The following VDR variants were observed in gnomAD, a reference collection of about 807,000 sequenced individuals.
VDR encodes vitamin D3 receptor.
In VDR, 19 loss-of-function variants were observed where a neutral mutation model predicts 39.7. The observed-to-expected ratio is 0.48, with a 90% CI of 0.33 to 0.70. The LOEUF (loss-of-function observed/expected upper bound fraction) is 0.70. Among genes scored for constraint, VDR ranks in the 30% least tolerant of loss-of-function variants. The probability of loss-of-function intolerance (pLI) is 0.02; values close to 1 mark genes in which losing one functional copy is unlikely to be tolerated. For missense variants in VDR, 442 were observed against 570.5 expected (o/e 0.77, Z 2.29); for synonymous variants, 242 against 215.8 (o/e 1.12, Z -1.07).
intron 1 of VDR, among the ~76,000 whole-genome samples, chr12:47,889,379 G>T (rs1565633609): frequency 6.6e-6 from 1 of 152,118 alleles, no homozygotes; most frequent in Non-Finnish European, 1.5e-5. Context: ...GAGGCCTGAT[G>T]CAGACTGCAG....
intron 7 of VDR, among the ~76,000 whole-genome samples, chr12:47,847,198 T>C (rs149589002): frequency 6.6e-6 from 1 of 152,218 alleles, no homozygotes; most frequent in East Asian, 1.9e-4. Flanking sequence ...TCCCTCCTAC[T>C]GTCCTCCAGT....
intron 1 of VDR, among the ~76,000 whole-genome samples, chr12:47,903,876 C>T (rs765651854): frequency 2.6e-5 from 4 of 152,180 alleles, no homozygotes; most frequent in Non-Finnish European, 4.4e-5. Context: ...CATCTCATAG[C>T]CATTCCATAA....
At chr12:47,872,922 C>T (rs542405785) in intron 3 of VDR, among the ~76,000 whole-genome samples, 1 of 152,078 alleles carries the variant, frequency 6.6e-6, no homozygotes, top group Non-Finnish European at 1.5e-5. Flanking sequence ...GATATTATCC[C>T]TGTTTTACAA....
chr12:47,878,063 G>A (rs981341288), intron 3 of VDR, among the ~76,000 whole-genome samples: 3 of 152,148 alleles, frequency 2.0e-5, no homozygotes, highest in Non-Finnish European at 2.9e-5. Flanking sequence ...AGAGCACTCC[G>A]GTTTAGACAA....
At chr12:47,902,184 C>T (rs1422390312) in intron 1 of VDR, among the ~76,000 whole-genome samples, 1 of 152,250 alleles carries the variant, frequency 6.6e-6, no homozygotes, top group African/African-American at 2.4e-5. Context: ...TATAACCATG[C>T]ATGGCATCCC....
intron 1 of VDR, among the ~76,000 whole-genome samples, chr12:47,895,223 C>T (rs868183943): frequency 1.3e-5 from 2 of 152,326 alleles, no homozygotes; most frequent in East Asian, 1.9e-4. Context: ...ACACCTTGAA[C>T]GATTGCATGG....
Position 47,844,592 on chromosome 12 carries a change from G to T in VDR, c.*154C>A. On this transcript the variant is annotated 3_prime_UTR_variant, in exon 10 of 10. Transcript: ENST00000549336. ...GCAGGAAAGGGGTTAGGTTGGACAG[G>T]AGAGAGAATGGGCTGGGTGGATAGG... 9.7e-7 allele frequency: 1 copy of T among 1,025,898 alleles called. No individual in the cohort carries two copies. The highest frequency in any genetic ancestry group is 1.4e-6 in the Non-Finnish European group (1 of 697,474). The allele number at this position is 1,025,898 out of a possible 1,614,324, so 63.5% of individuals were successfully genotyped here.
chr12:47,894,027 T>C (rs923768566), intron 1 of VDR, among the ~76,000 whole-genome samples: 1 of 152,258 alleles, frequency 6.6e-6, no homozygotes, highest in African/African-American at 2.4e-5. Context: ...GTCTCTGTTC[T>C]AAGCCTTGAA....
At chr12:47,890,384 T>C (rs943923732) in intron 1 of VDR, among the ~76,000 whole-genome samples, 3 of 148,084 alleles carry the variant, frequency 2.0e-5, no homozygotes, top group African/African-American at 7.4e-5. Context: ...ATTTTATATA[T>C]ATATATATAT....
intron 1 of VDR, 105 bp from the exon 2 acceptor site, chr12:47,882,879 C>G (rs1245609120): frequency 1.2e-6 from 1 of 851,604 alleles, no homozygotes; most frequent in African/African-American, 1.7e-5. Context: ...ACTTTAGTCC[C>G]CAGATCAGTG....
chr12:47,897,124 A>T (rs569715452), intron 1 of VDR: 2 of 152,338 alleles, frequency 1.3e-5, no homozygotes, highest in East Asian at 3.9e-4. Flanking sequence ...GTCTTTGGGC[A>T]AGGAATTTAG....
chr12:47,858,471 G>T (rs117980026), intron 4 of VDR, among the ~76,000 whole-genome samples: 2 of 152,348 alleles, frequency 1.3e-5, no homozygotes, highest in Non-Finnish European at 2.9e-5. Flanking sequence ...GGCCCCAAAG[G>T]GTGAGGCCTT....
Position 47,844,587 on chromosome 12 carries a change from G to T in VDR, c.*159C>A. Reference sequence around the variant, plus strand: ...AGCCCGCAGGAAAGGGGTTAGGTTGGACAGGAGAGAGAATGGGCTGGGTGG... The same window carrying T: ...AGCCCGCAGGAAAGGGGTTAGGTTGTACAGGAGAGAGAATGGGCTGGGTGG... On this transcript the variant is annotated 3_prime_UTR_variant, in exon 10 of 10. Transcript: ENST00000549336. The T allele has an allele frequency of 2.0e-6, 2 of 977,978 alleles. No individual in the cohort carries two copies. The highest frequency in any genetic ancestry group is 3.0e-6 in the Non-Finnish European group (2 of 657,586). The allele number at this position is 977,978 out of a possible 1,614,324, so 60.6% of individuals were successfully genotyped here.
intron 2 of VDR, among the ~76,000 whole-genome samples, chr12:47,881,090 ATG>A (rs71726777): frequency 0.029 from 3,589 of 124,694 alleles, 141 homozygotes; most frequent in African/African-American, 0.099. Context: ...AATACAGTAT[ATG>A]TGTGTGTGTG....
intron 1 of VDR, among the ~76,000 whole-genome samples, chr12:47,885,932 G>A (rs901419592): frequency 6.6e-5 from 10 of 152,202 alleles, no homozygotes; most frequent in South Asian, 4.1e-4. Flanking sequence ...TCATGCCTCA[G>A]TGAGTGAGAC....
At position 47,844,550 on chromosome 12, in the gene VDR, G is replaced by A. The variant is rs545953011; in HGVS notation, c.*196C>T. The A allele has an allele frequency of 1.2e-5, 9 of 722,740 alleles. 1 individual carries two copies. In the East Asian group the frequency reaches 2.4e-4, roughly 20 times the overall value. The allele number at this position is 722,740 out of a possible 1,614,324, so 44.8% of individuals were successfully genotyped here. On this transcript the variant is annotated 3_prime_UTR_variant, in exon 10 of 10. Transcript: ENST00000549336. ...AACTCCTCATGGCTGAGGTCTCAAG[G>A]GACCGGGGAAAAGCCCGCAGGAAAG... is the stretch of plus-strand genomic sequence containing the variant.
intron 4 of VDR, among the ~76,000 whole-genome samples, chr12:47,859,143 T>G (rs74085259): frequency 5.4e-4 from 83 of 152,312 alleles, no homozygotes; most frequent in Admixed American, 1.5e-3. Context: ...AAGCCCTCGC[T>G]TGGGGAGCCC....
At chr12:47,874,461 G>A (rs1052117234) in intron 3 of VDR, among the ~76,000 whole-genome samples, 5 of 152,144 alleles carry the variant, frequency 3.3e-5, no homozygotes, top group African/African-American at 1.2e-4. Flanking sequence ...TGACCTTCCT[G>A]AATGCCAGAA....
rs1026712285 is a variant in VDR at position 47,844,472 on chromosome 12, C to A, written c.*274G>T. ...GGAGGCATCTCTGGGCAAGGCCCTG[C>A]CTCCAGCCTCTGCCCTCTGCCCCCA... On this transcript the variant is annotated 3_prime_UTR_variant, in exon 10 of 10. Transcript: ENST00000549336. 1 of 579,514 alleles carries A rather than the reference C, an allele frequency of 1.7e-6. No homozygotes were observed. Among genetic ancestry groups the A allele is most frequent in the Non-Finnish European group, 3.1e-6 (1 of 323,734 alleles). 35.9% of individuals were successfully genotyped at this position (579,514 alleles called of 1,614,324 possible). A position where few individuals can be genotyped will look rare whatever the true frequency, so the allele number is the denominator to read the frequency against.
Sources: allele counts gnomAD v4.1 joint callset (sites outside exome capture counted in the v4.1 genomes callset), GRCh38; gene constraint gnomAD v4.1.1; transcripts MANE v1.5; gene names NCBI Gene and HGNC (gene_info 2026-07-23, HGNC 2026-07-21).